Variants in GAS2L1 observed in about 807,000 individuals in gnomAD.
GAS2L1 encodes growth arrest specific 2 like 1, also known as GAS2-like protein 1.
In GAS2L1, 26 loss-of-function variants were observed where a neutral mutation model predicts 44.0. The ratio of observed to expected loss-of-function variants is 0.59; its 90% CI spans 0.43 to 0.82. The LOEUF (loss-of-function observed/expected upper bound fraction) is 0.82. Among genes scored for constraint, GAS2L1 ranks in the 40% least tolerant of loss-of-function variants. The pLI is 0.00. For missense variants in GAS2L1, 1,006 were observed against 983.0 expected, an observed-to-expected ratio of 1.02 and a Z score of -0.31; for synonymous variants, 426 against 415.9, an observed-to-expected ratio of 1.02 and a Z score of -0.30.
chr22:29,310,342 C>T (rs1469894410), intron 1 of GAS2L1, 97 bp from the exon 3 acceptor site: 18 of 711,442 alleles, frequency 2.5e-5, no homozygotes, highest in South Asian at 1.2e-4. Context: ...TCCACTTACC[C>T]GGAAAGCCTG....
chr22:29,310,767 G>A, intron 3 of GAS2L1, 33 bp downstream of exon 4: 1 of 1,605,376 alleles, frequency 6.2e-7, no homozygotes, highest in Non-Finnish European at 8.5e-7. Context: ...GGCTGGACGG[G>A]CAGGGGACTT....
At chr22:29,310,264 AAAAT>A (rs1441986114) in intron 1 of GAS2L1, 171 bp from the exon 3 acceptor site, 18 of 386,666 alleles carry the variant, frequency 4.7e-5, no homozygotes, top group East Asian at 2.7e-4. Flanking sequence ...AAAATAAAAA[AAAAT>A]AAAAAAAATA....
In GAS2L1 at chr22:29,310,740, T is replaced by C. The variant is rs1261086189; in HGVS notation, c.838+6T>C. ...GTGCCGCTGCTCCTCCACTGGTCAGTGCCAGGGTGGGGCTGGGGCTGGACG... is the reference window on the plus strand; with the variant it reads ...GTGCCGCTGCTCCTCCACTGGTCAGCGCCAGGGTGGGGCTGGGGCTGGACG... On this transcript the variant is annotated splice_donor_region_variant and intron_variant, in intron 3 of 4. Coordinates refer to ENST00000618518, the Ensembl canonical transcript of GAS2L1. The C allele has an allele frequency of 1.2e-6, 2 of 1,607,590 alleles. No homozygotes were observed. The highest frequency in any genetic ancestry group is 1.7e-6 in the Non-Finnish European group (2 of 1,178,306).
At chr22:29,312,405 G>T in exon 5 of GAS2L1, 1 of 1,570,242 alleles carries the variant, frequency 6.4e-7, no homozygotes, top group Admixed American at 1.8e-5. Context: ...CACGCCTCGG[G>T]GCCCCCGCCG....
chr22:29,310,513 T>C (rs759403022), exon 2 of GAS2L1: 15 of 1,610,566 alleles, frequency 9.3e-6, no homozygotes, highest in South Asian at 2.2e-5. Flanking sequence ...GGAAGTACCG[T>C]GTGGGGGACT....
chr22:29,311,081 G>T lies in GAS2L1; in HGVS notation c.1010+83G>T, dbSNP rs997801819. 1.5e-5 allele frequency: 20 copies of T among 1,336,340 alleles called. No homozygotes were observed. The Admixed American group carries it at 2.2e-4, about 15-fold the overall frequency. 82.8% of individuals were successfully genotyped at this position (1,336,340 alleles called of 1,614,324 possible). On this transcript the variant is annotated intron_variant, in intron 4 of 4. Transcript: ENST00000618518. ...GGCCTGCATGATGGGTTGCCTGTGC[G>T]CCAGAGTGACTCACACCCTGGGAAA...
upstream of GAS2L1, chr22:29,306,663 G>A (rs1001977037): frequency 5.3e-5 from 8 of 152,340 alleles, no homozygotes; most frequent in African/African-American, 1.9e-4. Flanking sequence ...ATCGCTTCCT[G>A]CCTTCATCTT....
In GAS2L1 at chr22:29,312,395, C is replaced by CA; in HGVS notation, c.1945dup (p.Thr649AsnfsTer28). On this transcript the variant is annotated frameshift_variant, in exon 5 of 5. Coordinates refer to ENST00000618518, the Ensembl canonical transcript of GAS2L1. LOFTEE classifies it high-confidence loss of function. ...CAGACCGTAAACCCTCACGTATCCC[C>CA]ACGCCTCGGGGCCCCCGCCGCCCCT... 1 of 1,584,612 alleles carries CA rather than the reference C, an allele frequency of 6.3e-7. No homozygotes were observed. The highest frequency in any genetic ancestry group is 8.6e-7 in the Non-Finnish European group (1 of 1,161,718).
At chr22:29,312,404 G>A in exon 5 of GAS2L1, 2 of 1,572,348 alleles carry the variant, frequency 1.3e-6, no homozygotes, top group African/African-American at 2.7e-5. Flanking sequence ...CCACGCCTCG[G>A]GGCCCCCGCC....
Position 29,310,849 on chromosome 22 carries a change from G to A in GAS2L1, c.861G>A (p.Arg287=), listed in dbSNP as rs772000384. The A allele has an allele frequency of 8.7e-6, 14 of 1,611,772 alleles. No homozygotes were observed. The Admixed American group carries it at 2.2e-4, about 25-fold the overall frequency. The change falls in exon 4 of 5, where the codon AGG becomes AGA. Residue 287 remains arginine, a synonymous_variant. Transcript: ENST00000618518. ...CAGCTCATCGCCCACCCCAGCCGAG[G>A]GTCTGCACCTTTTCTCCACAGAGGG...
intron 1 of GAS2L1, among the ~76,000 whole-genome samples, chr22:29,310,041 C>T (rs1182943573): frequency 6.6e-6 from 1 of 152,006 alleles, no homozygotes; most frequent in East Asian, 1.9e-4. Flanking sequence ...GCGGGTGGAA[C>T]TCCTGAGCCT....
chr22:29,311,941 C>A (rs371742545), exon 5 of GAS2L1: 1 of 1,605,732 alleles, frequency 6.2e-7, no homozygotes, highest in African/African-American at 1.3e-5. Flanking sequence ...GAGTTGGGCA[C>A]CACACCGGCC....
At chr22:29,312,640 G>A in exon 5 of GAS2L1, 1 of 520,710 alleles carries the variant, frequency 1.9e-6, no homozygotes, top group African/African-American at 1.9e-5. Flanking sequence ...GGCACAATGG[G>A]ACCTCTGTTG....
rs199894715 is a variant in GAS2L1, at chr22:29,310,560, G to A, written c.741+14G>A. On this transcript the variant is annotated intron_variant, in intron 2 of 4. Transcript: ENST00000618518. ...ATCTTTGTGCGGGTAAGGGCCTGGG[G>A]CCGCCCCAGCGGGCAGCAGCCAAGG... 2.6e-4 allele frequency: 416 copies of A among 1,592,450 alleles called. 1 individual carries two copies. The highest frequency in any genetic ancestry group is 9.6e-4 in the South Asian group (87 of 90,634).
chr22:29,310,744 A>AGGGTGG lies in GAS2L1; in HGVS notation c.838+13_838+18dup, dbSNP rs2061395111. On this transcript the variant is annotated intron_variant, in intron 3 of 4. Transcript: ENST00000618518. ...CGCTGCTCCTCCACTGGTCAGTGCC[A>AGGGTGG]GGGTGGGGCTGGGGCTGGACGGGCA... 11 of 1,607,546 alleles carry AGGGTGG rather than the reference A, an allele frequency of 6.8e-6. No individual in the cohort carries two copies. Among genetic ancestry groups the AGGGTGG allele is most frequent in the African/African-American group, 1.3e-5 (1 of 74,910 alleles).
chr22:29,310,832 C>T (rs779636685), exon 4 of GAS2L1: 6 of 1,609,252 alleles, frequency 3.7e-6, no homozygotes, highest in East Asian at 2.2e-5. Flanking sequence ...CGCAGCTCAT[C>T]GCCCACCCCA....
In GAS2L1 at chr22:29,310,751, G is replaced by C; in HGVS notation, c.838+17G>C. The C allele has an allele frequency of 6.2e-7, 1 of 1,605,842 alleles. No homozygotes were observed. On this transcript the variant is annotated intron_variant, in intron 3 of 4. Transcript: ENST00000618518. ...CCTCCACTGGTCAGTGCCAGGGTGG[G>C]GCTGGGGCTGGACGGGCAGGGGACT...
exon 1 of GAS2L1, chr22:29,308,347 C>T: frequency 1.9e-6 from 3 of 1,603,966 alleles, no homozygotes; most frequent in Non-Finnish European, 2.6e-6. Flanking sequence ...GCCGCCCGCC[C>T]GGCCCGAGGT....
chr22:29,306,984 C>T (rs1055913698), upstream of GAS2L1: 3 of 152,122 alleles, frequency 2.0e-5, no homozygotes, highest in Admixed American at 6.5e-5. Context: ...CCGCCCGCCC[C>T]CTCCGGGCAG....
Sources: allele counts gnomAD v4.1 joint callset (sites outside exome capture counted in the v4.1 genomes callset), GRCh38; gene constraint gnomAD v4.1.1; transcripts MANE v1.5; gene names NCBI Gene and HGNC (gene_info 2026-07-23, HGNC 2026-07-21).